The following EVA1A variants were observed in gnomAD, a reference collection of about 807,000 sequenced individuals.
EVA1A encodes the protein protein eva-1 homolog A.
In EVA1A, 7 loss-of-function variants were observed where a neutral mutation model predicts 9.8. The ratio of observed to expected loss-of-function variants is 0.71; its 90% CI spans 0.41 to 1.34. The LOEUF (loss-of-function observed/expected upper bound fraction) is 1.34, where lower values mean the gene tolerates loss of function less well. Among genes scored for constraint, EVA1A ranks in the 40% most tolerant of loss-of-function variants. The pLI, the probability that EVA1A is intolerant of heterozygous loss-of-function variation, is 0.01. For synonymous variants in EVA1A, 90 were observed against 85.6 expected (o/e 1.05, Z -0.28); for missense variants, 206 against 205.9 (o/e 1.00, Z 0.00).
intron 1 of EVA1A, among the ~76,000 whole-genome samples, chr2:75,568,483 T>G (rs902725094): frequency 2.0e-5 from 3 of 152,002 alleles, no homozygotes; most frequent in Admixed American, 2.0e-4. Flanking sequence ...ATTTTATTAT[T>G]TTGGGAGTAC....
rs538735295 is a variant in EVA1A, at chr2:75,493,705, C to T, written c.86-96G>A. 543 of 1,220,646 alleles carry T rather than the reference C, an allele frequency of 4.4e-4. 11 individuals are homozygous for T. The South Asian group carries it at 7.3e-3, about 16-fold the overall frequency. 75.6% of individuals were successfully genotyped at this position (1,220,646 alleles called of 1,614,324 possible). On this transcript the variant is annotated intron_variant, in intron 3 of 3. Coordinates refer to ENST00000393913, the MANE Select transcript of EVA1A (RefSeq NM_001135032.2). ...CCAGCCTACACTTCTCACCAGGCCC[C>T]AAAGTTTTGATGGTTACAAATATTG...
chr2:75,561,903 T>C (rs1676932361), upstream of EVA1A, among the ~76,000 whole-genome samples: 1 of 151,828 alleles, frequency 6.6e-6, no homozygotes, highest in South Asian at 2.1e-4. Context: ...AGGGAGAAGA[T>C]GAGGAGAGGA....
intron 3 of EVA1A, among the ~76,000 whole-genome samples, chr2:75,515,793 G>A (rs1274928510): frequency 6.6e-6 from 1 of 152,036 alleles, no homozygotes; most frequent in Non-Finnish European, 1.5e-5. Context: ...TAAAAAAAGG[G>A]CGAATATAGA....
intron 1 of EVA1A, among the ~76,000 whole-genome samples, chr2:75,567,974 G>A (rs1455876568): frequency 6.6e-6 from 1 of 152,202 alleles, no homozygotes; most frequent in Admixed American, 6.5e-5. Context: ...TAGCAGGTTT[G>A]ATTAATGTAT....
chr2:75,534,934 A>G (rs1675819873), intron 1 of EVA1A, among the ~76,000 whole-genome samples: 4 of 152,170 alleles, frequency 2.6e-5, no homozygotes, highest in Admixed American at 2.6e-4. Context: ...ACATGGTGAG[A>G]GATAGGGATC....
chr2:75,544,185 C>G (rs930622600), intron 1 of EVA1A, among the ~76,000 whole-genome samples: 1 of 152,154 alleles, frequency 6.6e-6, no homozygotes, highest in Non-Finnish European at 1.5e-5. Flanking sequence ...TTCAACTGTT[C>G]GGATCCATGC....
chr2:75,544,059 G>T (rs1340245928), intron 1 of EVA1A, among the ~76,000 whole-genome samples: 1 of 152,202 alleles, frequency 6.6e-6, no homozygotes, highest in Non-Finnish European at 1.5e-5. Context: ...TGAGCCACAG[G>T]TTATAATATA....
chr2:75,520,402 T>G (rs1675193101), intron 2 of EVA1A, among the ~76,000 whole-genome samples: 1 of 152,204 alleles, frequency 6.6e-6, no homozygotes, highest in African/African-American at 2.4e-5. Context: ...TCTTGAAAAT[T>G]AACAAAGTTA....
rs967143818 is a variant in EVA1A at position 75,526,992 on chromosome 2, T to C, written c.-191-4505A>G. 3.3e-5 allele frequency among the ~76,000 whole-genome samples: 5 copies of C among 151,992 alleles called. No homozygotes were observed. The East Asian group carries it at 9.7e-4, about 29-fold the overall frequency. ...CACACTAAGAACCAAGGAGATGAGG[T>C]AGCTGAAGAAGCCAGCAATCCAGAA... On this transcript the variant is annotated intron_variant, in intron 1 of 3. Coordinates refer to ENST00000393913, the MANE Select transcript of EVA1A (RefSeq NM_001135032.2).
chr2:75,519,396 T>C (rs1447007567), intron 2 of EVA1A, among the ~76,000 whole-genome samples: 4 of 151,984 alleles, frequency 2.6e-5, no homozygotes, highest in Non-Finnish European at 5.9e-5. Context: ...GTGAGGTAAA[T>C]AGAATGGGCT....
intron 1 of EVA1A, among the ~76,000 whole-genome samples, chr2:75,551,460 T>C (rs1475743595): frequency 6.6e-6 from 1 of 152,220 alleles, no homozygotes; most frequent in Non-Finnish European, 1.5e-5. Context: ...GAAACTCTCC[T>C]CTTCCGCATC....
chr2:75,499,790 T>G lies in EVA1A; in HGVS notation c.86-6181A>C, dbSNP rs373833404. Among the ~76,000 whole-genome samples the G allele has an allele frequency of 1.9e-3, 282 of 152,248 alleles. 5 individuals carry two copies. Among genetic ancestry groups the G allele is most frequent in the African/African-American group, 6.6e-3 (273 of 41,552 alleles). ...CTGCCTCTGCCCACAGACTCATCAG[T>G]CCACTGACTATGCCTAAGTCCCTGT... On this transcript the variant is annotated intron_variant, in intron 3 of 3. Coordinates refer to ENST00000393913, the MANE Select transcript of EVA1A (RefSeq NM_001135032.2).
At chr2:75,500,888 C>A (rs990020305) in intron 3 of EVA1A, among the ~76,000 whole-genome samples, 2 of 152,096 alleles carry the variant, frequency 1.3e-5, no homozygotes, top group Non-Finnish European at 2.9e-5. Flanking sequence ...ATCTCTTTCC[C>A]ACTCACTGCC....
chr2:75,510,931 T>C lies in EVA1A; in HGVS notation c.85+7125A>G, dbSNP rs545247748. On this transcript the variant is annotated intron_variant, in intron 3 of 3. Coordinates refer to ENST00000393913, the MANE Select transcript of EVA1A (RefSeq NM_001135032.2). ...ATATGTTTTTGTAAATAAAATTTTA[T>C]GGAACACAATTTTGCCCATTCATTT... Among the ~76,000 whole-genome samples, 3 of 152,360 alleles carry C rather than the reference T, an allele frequency of 2.0e-5. No homozygotes were observed. In the East Asian group the frequency reaches 5.8e-4, roughly 29 times the overall value.
At chr2:75,531,831 T>G (rs757653448) in intron 1 of EVA1A, among the ~76,000 whole-genome samples, 3 of 152,070 alleles carry the variant, frequency 2.0e-5, no homozygotes, top group Non-Finnish European at 4.4e-5. Flanking sequence ...GGGTGATACT[T>G]GCACCAAAAT....
intron 1 of EVA1A, among the ~76,000 whole-genome samples, chr2:75,544,735 C>A (rs1222661896): frequency 1.3e-5 from 2 of 152,154 alleles, no homozygotes; most frequent in Non-Finnish European, 2.9e-5. Flanking sequence ...TGTTCCTTTC[C>A]ATTAGACCTC....
In EVA1A at chr2:75,498,857, A is replaced by C. The variant is rs78970996; in HGVS notation, c.86-5248T>G. On this transcript the variant is annotated intron_variant, in intron 3 of 3. Transcript: ENST00000393913. ...TCAGACTCATTTGCTTACAAATAGC[A>C]TATTCCTACGCCAGATGCTATGGGA... is the stretch of plus-strand genomic sequence containing the variant. Among the ~76,000 whole-genome samples, 279 of 151,724 alleles carry C rather than the reference A, an allele frequency of 1.8e-3. 5 individuals carry two copies. The highest frequency in any genetic ancestry group is 6.5e-3 in the African/African-American group (270 of 41,330).
chr2:75,533,356 T>A (rs1298616272), intron 1 of EVA1A, among the ~76,000 whole-genome samples: 1 of 152,120 alleles, frequency 6.6e-6, no homozygotes, highest in Admixed American at 6.5e-5. Flanking sequence ...AAATGAACTG[T>A]GAATCCAGAA....
chr2:75,569,501 C>G (rs1232511731), exon 1 of EVA1A: 1 of 152,436 alleles, frequency 6.6e-6, no homozygotes. Context: ...TCCTCTGTGA[C>G]CTTCTTTAAC....
Sources: gnomAD v4.1 joint callset for allele counts (sites outside exome capture counted in the v4.1 genomes callset) on GRCh38, gnomAD v4.1.1 for gene constraint, MANE v1.5 for transcripts, NCBI Gene and HGNC (gene_info 2026-07-23, HGNC 2026-07-21) for gene names.